Variants in LOC128092252 observed in about 807,000 individuals in gnomAD.
chr15:50,672,882 G>A, the LOC128092252 span, among the ~76,000 whole-genome samples: 3 of 109,322 alleles, frequency 2.7e-5, no homozygotes, highest in African/African-American at 1.1e-4. Context: ...CAGGGTGACA[G>A]AGTGAGACTC....
the LOC128092252 span, among the ~76,000 whole-genome samples, chr15:50,673,454 T>C: frequency 9.0e-4 from 137 of 152,242 alleles, 1 homozygote; most frequent in African/African-American, 3.0e-3. Flanking sequence ...CCAAAGTCCA[T>C]TGTGTCATTC....
the LOC128092252 span, among the ~76,000 whole-genome samples, chr15:50,665,991 T>A: frequency 6.6e-6 from 1 of 151,588 alleles, no homozygotes; most frequent in East Asian, 1.9e-4. Context: ...AGACTCTCTC[T>A]CAAAAAATAA....
the LOC128092252 span, among the ~76,000 whole-genome samples, chr15:50,672,544 G>A: frequency 4.6e-5 from 7 of 151,970 alleles, no homozygotes; most frequent in Admixed American, 1.3e-4. Flanking sequence ...TGTAGGCCTA[G>A]GCTAACGTGT....
At chr15:50,659,888 G>A in the LOC128092252 span, among the ~76,000 whole-genome samples, 4 of 152,196 alleles carry the variant, frequency 2.6e-5, no homozygotes, top group South Asian at 8.3e-4. Flanking sequence ...GGCTGGTCTC[G>A]AACTCCTGAC....
At chr15:50,671,967 A>G in the LOC128092252 span, among the ~76,000 whole-genome samples, 1 of 148,534 alleles carries the variant, frequency 6.7e-6, no homozygotes, top group Admixed American at 6.7e-5. Flanking sequence ...ATACTTTGTA[A>G]TAATAAATGA....
At chr15:50,664,072 G>A in the LOC128092252 span, among the ~76,000 whole-genome samples, 6 of 152,240 alleles carry the variant, frequency 3.9e-5, no homozygotes, top group African/African-American at 1.4e-4. Context: ...GGCTGAGGTG[G>A]GCGGATCACA....
the LOC128092252 span, among the ~76,000 whole-genome samples, chr15:50,681,408 T>A: frequency 6.6e-6 from 1 of 152,216 alleles, no homozygotes; most frequent in African/African-American, 2.4e-5. Flanking sequence ...GTACTGGGTA[T>A]GATAAATTAG....
the LOC128092252 span, among the ~76,000 whole-genome samples, chr15:50,649,123 A>C: frequency 6.6e-6 from 1 of 152,198 alleles, no homozygotes; most frequent in East Asian, 1.9e-4. Context: ...AGGCATCTAC[A>C]AAACATGGCA....
chr15:50,658,098 G>A, the LOC128092252 span, among the ~76,000 whole-genome samples: 6 of 149,264 alleles, frequency 4.0e-5, no homozygotes, highest in African/African-American at 1.2e-4. Context: ...TCCGCCTCCC[G>A]GGTTCACACC....
chr15:50,649,595 C>T, the LOC128092252 span, among the ~76,000 whole-genome samples: 4 of 152,060 alleles, frequency 2.6e-5, no homozygotes, highest in Admixed American at 2.0e-4. Context: ...TATGATTCCA[C>T]GTATACAAAA....
At chr15:50,650,463 G>A in the LOC128092252 span, among the ~76,000 whole-genome samples, 1 of 152,170 alleles carries the variant, frequency 6.6e-6, no homozygotes, top group African/African-American at 2.4e-5. Flanking sequence ...GGGAAGCCAA[G>A]GTGGATGGAT....
chr15:50,651,016 A>G, the LOC128092252 span, among the ~76,000 whole-genome samples: 1 of 151,896 alleles, frequency 6.6e-6, no homozygotes, highest in Non-Finnish European at 1.5e-5. Flanking sequence ...GGTGAACCCC[A>G]TCTCTACAAA....
At chr15:50,684,300 C>G in the LOC128092252 span, among the ~76,000 whole-genome samples, 3 of 151,790 alleles carry the variant, frequency 2.0e-5, no homozygotes, top group South Asian at 2.1e-4. Context: ...TTACCACGCC[C>G]GATTACTGAT....
chr15:50,670,774 A>T, the LOC128092252 span, among the ~76,000 whole-genome samples: 148 of 151,702 alleles, frequency 9.8e-4, no homozygotes, highest in African/African-American at 3.4e-3. Context: ...CTTTCCTAAT[A>T]AACTTGCCTT....
the LOC128092252 span, among the ~76,000 whole-genome samples, chr15:50,665,491 A>C: frequency 6.6e-6 from 1 of 152,154 alleles, no homozygotes; most frequent in Non-Finnish European, 1.5e-5. Flanking sequence ...CACTGATCAC[A>C]ATGCAATTAA....
the LOC128092252 span, chr15:50,657,716 T>C: frequency 1.4e-6 from 2 of 1,399,858 alleles, no homozygotes; most frequent in Admixed American, 1.8e-5. Context: ...TTCTAACTCA[T>C]ATTTCTAATA....
the LOC128092252 span, among the ~76,000 whole-genome samples, chr15:50,678,263 A>AC: frequency 6.8e-6 from 1 of 147,536 alleles, no homozygotes; most frequent in Admixed American, 6.8e-5. Flanking sequence ...AAAAACAAAA[A>AC]CAAAAACAAA....
the LOC128092252 span, among the ~76,000 whole-genome samples, chr15:50,663,862 C>T: frequency 1.3e-5 from 2 of 152,116 alleles, no homozygotes; most frequent in Non-Finnish European, 2.9e-5. Context: ...ACTTGGAAGT[C>T]TGAGGCAGGA....
chr15:50,679,484 ATATATT>A, the LOC128092252 span, among the ~76,000 whole-genome samples: 1 of 139,166 alleles, frequency 7.2e-6, no homozygotes, highest in African/African-American at 2.7e-5. Flanking sequence ...TTATATATAT[ATATATT>A]ATATATATGT....
Sources: gnomAD v4.1 joint callset for allele counts (sites outside exome capture counted in the v4.1 genomes callset) on GRCh38, gnomAD v4.1.1 for gene constraint, MANE v1.5 for transcripts.